Variants in ZNF722 observed in about 807,000 individuals in gnomAD.
ZNF722 encodes zinc finger protein 722, also known as zinc finger protein 479 pseudogene.
the ZNF722 span, chr7:64,014,890 T>C: frequency 7.2e-6 from 5 of 697,254 alleles, no homozygotes; most frequent in Non-Finnish European, 1.2e-5. Context: ...TTTATACATC[T>C]ATGAAGGAAT....
At chr7:64,001,723 T>G in the ZNF722 span, among the ~76,000 whole-genome samples, 2 of 152,230 alleles carry the variant, frequency 1.3e-5, no homozygotes, top group Non-Finnish European at 2.9e-5. Flanking sequence ...AGCATTCAGT[T>G]TCTCCACAAC....
chr7:64,008,798 G>A, the ZNF722 span, among the ~76,000 whole-genome samples: 1 of 152,184 alleles, frequency 6.6e-6, no homozygotes, highest in Non-Finnish European at 1.5e-5. Flanking sequence ...TTGGTAGCTT[G>A]ATGGGGATGG....
chr7:64,001,748 G>A, the ZNF722 span, among the ~76,000 whole-genome samples: 2 of 151,830 alleles, frequency 1.3e-5, no homozygotes, highest in African/African-American at 4.8e-5. Flanking sequence ...CAAGCATCTG[G>A]TTTTTTGTTT....
the ZNF722 span, among the ~76,000 whole-genome samples, chr7:64,017,987 TAA>T: frequency 3.9e-5 from 6 of 152,232 alleles, no homozygotes; most frequent in Non-Finnish European, 5.9e-5. Flanking sequence ...ATCAGAGATA[TAA>T]GAGATTGTTT....
At chr7:64,010,873 G>A in the ZNF722 span, among the ~76,000 whole-genome samples, 1 of 152,250 alleles carries the variant, frequency 6.6e-6, no homozygotes, top group African/African-American at 2.4e-5. Flanking sequence ...TATTGTGTGA[G>A]TCTAAGTCTC....
At chr7:63,999,317 C>T in the ZNF722 span, among the ~76,000 whole-genome samples, 1 of 152,162 alleles carries the variant, frequency 6.6e-6, no homozygotes, top group East Asian at 1.9e-4. Flanking sequence ...AGGGGAGAAT[C>T]CAGACTCAGG....
chr7:64,013,384 A>G, the ZNF722 span, among the ~76,000 whole-genome samples: 1 of 152,062 alleles, frequency 6.6e-6, no homozygotes, highest in African/African-American at 2.4e-5. Flanking sequence ...TTTTACCATT[A>G]TATAATATCA....
At chr7:64,006,154 A>G in the ZNF722 span, 28 of 826,578 alleles carry the variant, frequency 3.4e-5, no homozygotes, top group Non-Finnish European at 5.0e-5. Flanking sequence ...CTCTTTACTA[A>G]CCATAATACT....
the ZNF722 span, among the ~76,000 whole-genome samples, chr7:64,017,293 C>T: frequency 1.6e-3 from 243 of 152,014 alleles, 2 homozygotes; most frequent in African/African-American, 5.6e-3. Context: ...CTGAGGCAGG[C>T]GAATTGCTTG....
the ZNF722 span, chr7:64,006,330 G>A: frequency 5.4e-6 from 7 of 1,286,940 alleles, no homozygotes; most frequent in Non-Finnish European, 6.5e-6. Context: ...GTAGGTGAGA[G>A]CGAATGAAGC....
chr7:64,006,939 A>T, the ZNF722 span, among the ~76,000 whole-genome samples: 1 of 151,806 alleles, frequency 6.6e-6, no homozygotes, highest in Admixed American at 6.6e-5. Context: ...TATTTTAGAT[A>T]TAGTTTCATA....
At chr7:64,008,235 C>T in the ZNF722 span, among the ~76,000 whole-genome samples, 1 of 152,256 alleles carries the variant, frequency 6.6e-6, no homozygotes, top group South Asian at 2.1e-4. Flanking sequence ...TGTGCAGAAG[C>T]TCTTTAGTTT....
the ZNF722 span, among the ~76,000 whole-genome samples, chr7:63,999,710 T>A: frequency 6.6e-6 from 1 of 152,200 alleles, no homozygotes; most frequent in Non-Finnish European, 1.5e-5. Context: ...TGTTTATTTA[T>A]TTTTTGAGAG....
the ZNF722 span, chr7:64,006,229 G>T: frequency 7.9e-7 from 1 of 1,271,800 alleles, no homozygotes; most frequent in Non-Finnish European, 1.1e-6. Flanking sequence ...AACAGGTATT[G>T]CTGACTCTAA....
At chr7:64,014,177 A>C in the ZNF722 span, among the ~76,000 whole-genome samples, 1 of 150,632 alleles carries the variant, frequency 6.6e-6, no homozygotes, top group Non-Finnish European at 1.5e-5. Context: ...TCATACTTTA[A>C]AATTATTTCA....
the ZNF722 span, among the ~76,000 whole-genome samples, chr7:64,004,230 G>A: frequency 1.3e-3 from 198 of 147,982 alleles, no homozygotes; most frequent in Non-Finnish European, 2.2e-3. Context: ...GTAAAACCCC[G>A]TCTCTACGGA....
the ZNF722 span, among the ~76,000 whole-genome samples, chr7:64,007,970 G>A: frequency 1.6e-3 from 249 of 152,290 alleles, 1 homozygote; most frequent in African/African-American, 5.7e-3. Flanking sequence ...TTGTGGTTTT[G>A]ATTTGCATTT....
chr7:63,999,001 G>GT, the ZNF722 span: 51 of 1,576,722 alleles, frequency 3.2e-5, no homozygotes, highest in South Asian at 5.6e-4. Context: ...CCGAGAAATG[G>GT]TGAGTGCTGG....
the ZNF722 span, among the ~76,000 whole-genome samples, chr7:64,007,705 A>C: frequency 6.6e-6 from 1 of 152,110 alleles, no homozygotes; most frequent in Non-Finnish European, 1.5e-5. Context: ...ATACACATAC[A>C]TGTGCATGTG....
Sources: allele counts gnomAD v4.1 joint callset (sites outside exome capture counted in the v4.1 genomes callset), GRCh38; gene constraint gnomAD v4.1.1; transcripts MANE v1.5; gene names NCBI Gene and HGNC (gene_info 2026-07-23, HGNC 2026-07-21).